Variants in ROBO2 observed in about 807,000 individuals in gnomAD.
ROBO2 encodes the protein roundabout guidance receptor 2.
ROBO2 carries 53 observed loss-of-function variants against 160.8 expected under a neutral mutation model. That is an observed-to-expected ratio of 0.33 (90% CI 0.26 to 0.41). ROBO2 has a LOEUF of 0.41. Among genes scored for constraint, ROBO2 ranks in the 10% least tolerant of loss-of-function variants. The pLI is 1.00. For synonymous variants in ROBO2, 664 were observed against 611.7 expected (o/e 1.09, Z -1.26); for missense variants, 1,577 against 1,722.4 (o/e 0.92, Z 1.49).
At chr3:77,221,146 A>G (rs1333559383) in intron 2 of ROBO2, among the ~76,000 whole-genome samples, 3 of 152,148 alleles carry the variant, frequency 2.0e-5, no homozygotes, top group African/African-American at 4.8e-5. Context: ...TTGTCTTTCC[A>G]TGGCTCTAGT....
intron 2 of ROBO2, among the ~76,000 whole-genome samples, chr3:76,399,803 C>T (rs1349555089): frequency 6.6e-6 from 1 of 151,716 alleles, no homozygotes; most frequent in Non-Finnish European, 1.5e-5. Context: ...AGAATAATCA[C>T]TTCAAGAGCG....
chr3:77,410,132 G>A (rs1335114544), intron 2 of ROBO2, among the ~76,000 whole-genome samples: 2 of 151,960 alleles, frequency 1.3e-5, no homozygotes, highest in Non-Finnish European at 2.9e-5. Flanking sequence ...ACCCACAAGT[G>A]TACCAAAATT....
chr3:76,723,609 G>C (rs1316783539), intron 2 of ROBO2, among the ~76,000 whole-genome samples: 1 of 151,988 alleles, frequency 6.6e-6, no homozygotes, highest in Non-Finnish European at 1.5e-5. Context: ...TCTCCTCTTT[G>C]TCCTTGTCTT....
At chr3:76,808,689 AT>A (rs1013868170) in intron 2 of ROBO2, among the ~76,000 whole-genome samples, 107 of 152,232 alleles carry the variant, frequency 7.0e-4, no homozygotes, top group African/African-American at 2.3e-3. Context: ...AGTGGCTCAA[AT>A]GTGGGTGTTA....
intron 2 of ROBO2, among the ~76,000 whole-genome samples, chr3:77,008,899 A>G (rs1041146823): frequency 6.6e-6 from 1 of 152,176 alleles, no homozygotes; most frequent in African/African-American, 2.4e-5. Context: ...ATTACATATG[A>G]TACAAAGCAG....
At chr3:76,031,326 C>A (rs1233462342) in intron 2 of ROBO2, among the ~76,000 whole-genome samples, 1 of 152,078 alleles carries the variant, frequency 6.6e-6, no homozygotes, top group Admixed American at 6.5e-5. Flanking sequence ...AATTTGAATT[C>A]CTCTTTTCCT....
chr3:76,069,236 T>C (rs2068363250), intron 2 of ROBO2, among the ~76,000 whole-genome samples: 1 of 152,226 alleles, frequency 6.6e-6, no homozygotes, highest in Non-Finnish European at 1.5e-5. Flanking sequence ...TTTCTGATTT[T>C]CTCCCTAAAC....
At chr3:75,952,098 A>G (rs2107194794) in intron 2 of ROBO2, among the ~76,000 whole-genome samples, 1 of 152,102 alleles carries the variant, frequency 6.6e-6, no homozygotes, top group East Asian at 1.9e-4. Context: ...GTAGCACAGT[A>G]AGTCCACTGG....
chr3:77,024,304 G>A lies in ROBO2; in HGVS notation c.110-73710G>A, dbSNP rs78527858. Among the ~76,000 whole-genome samples, 28 of 152,288 alleles carry A rather than the reference G, an allele frequency of 1.8e-4. No individual in the cohort carries two copies. In the East Asian group the frequency reaches 5.0e-3, roughly 27 times the overall value. On this transcript the variant is annotated intron_variant, in intron 2 of 26. Transcript: ENST00000487694. ...TAAGTTGAAGTGTCAGGGACATCAG[G>A]TGGAACATTCTTAGTTGTCATGTTT...
intron 2 of ROBO2, among the ~76,000 whole-genome samples, chr3:77,287,753 T>C (rs983103946): frequency 2.6e-5 from 4 of 152,176 alleles, no homozygotes; most frequent in Non-Finnish European, 5.9e-5. Context: ...AGTGCTTTGA[T>C]GTCTTATTTT....
intron 2 of ROBO2, among the ~76,000 whole-genome samples, chr3:77,191,598 A>G (rs541798198): frequency 2.8e-4 from 43 of 152,302 alleles, no homozygotes; most frequent in Non-Finnish European, 5.6e-4. Flanking sequence ...GATATTGCTG[A>G]AAGTTTCATC....
At chr3:76,711,503 T>C (rs2093293315) in intron 2 of ROBO2, among the ~76,000 whole-genome samples, 2 of 152,120 alleles carry the variant, frequency 1.3e-5, no homozygotes, top group African/African-American at 4.8e-5. Context: ...TTTAGGTGGA[T>C]AGACAAAGGG....
chr3:77,562,667 C>G (rs1320059417), exon 10 of ROBO2: 1 of 1,612,314 alleles, frequency 6.2e-7, no homozygotes, highest in African/African-American at 1.3e-5. Context: ...GATACTGGCA[C>G]TTATACTTGT....
intron 2 of ROBO2, among the ~76,000 whole-genome samples, chr3:77,433,452 C>T (rs1361354755): frequency 7.1e-6 from 1 of 141,112 alleles, no homozygotes; most frequent in Non-Finnish European, 1.5e-5. Context: ...AGATGCCCTG[C>T]ACGCTAAGGA....
intron 2 of ROBO2, among the ~76,000 whole-genome samples, chr3:76,482,672 ACTGT>A (rs1357749371): frequency 6.6e-6 from 1 of 152,076 alleles, no homozygotes; most frequent in African/African-American, 2.4e-5. Context: ...ACTCCATCTC[ACTGT>A]CTAATTTGAC....
At chr3:77,239,304 G>A (rs944048148) in intron 2 of ROBO2, among the ~76,000 whole-genome samples, 7 of 151,770 alleles carry the variant, frequency 4.6e-5, no homozygotes, top group Admixed American at 6.6e-5. Flanking sequence ...TTAAGGCAGC[G>A]CGTCTAGAGT....
intron 2 of ROBO2, among the ~76,000 whole-genome samples, chr3:77,399,375 A>G (rs1367416118): frequency 6.6e-6 from 1 of 152,140 alleles, no homozygotes; most frequent in African/African-American, 2.4e-5. Flanking sequence ...GAAGTTTCCT[A>G]GGAATCTTTT....
At chr3:76,118,661 T>C (rs2070582506) in intron 2 of ROBO2, among the ~76,000 whole-genome samples, 1 of 152,166 alleles carries the variant, frequency 6.6e-6, no homozygotes, top group Non-Finnish European at 1.5e-5. Flanking sequence ...GAATATTCCA[T>C]TTATTCATTT....
intron 2 of ROBO2, among the ~76,000 whole-genome samples, chr3:76,829,521 C>T (rs1046334313): frequency 2.6e-5 from 4 of 151,872 alleles, no homozygotes; most frequent in African/African-American, 9.7e-5. Flanking sequence ...CATGACACTC[C>T]CAGTACGTTT....
Sources: gnomAD v4.1 joint callset for allele counts (sites outside exome capture counted in the v4.1 genomes callset) on GRCh38, gnomAD v4.1.1 for gene constraint, MANE v1.5 for transcripts, NCBI Gene and HGNC (gene_info 2026-07-23, HGNC 2026-07-21) for gene names.